Variants in CNTNAP3B observed in about 807,000 individuals in gnomAD.
The protein encoded by CNTNAP3B is contactin-associated protein-like 3B.
A neutral mutation model predicts 108.9 loss-of-function variants in CNTNAP3B; 25 were observed. That is an observed-to-expected ratio of 0.23 (90% CI 0.17 to 0.32). CNTNAP3B has a LOEUF of 0.32. Among genes scored for constraint, CNTNAP3B ranks in the 10% least tolerant of loss-of-function variants. The pLI, the probability that CNTNAP3B is intolerant of heterozygous loss-of-function variation, is 1.00. For missense variants in CNTNAP3B, 252 were observed against 1,210.4 expected (o/e 0.21, Z 11.75); for synonymous variants, 103 against 473.4 (o/e 0.22, Z 10.16).
At chr9:41,950,532 C>T (rs79143271) in intron 13 of CNTNAP3B, among the ~76,000 whole-genome samples, 3,936 of 102,854 alleles carry the variant, frequency 0.038, 62 homozygotes, top group East Asian at 0.13. Context: ...TCCATGCCAC[C>T]GATTGCTAAT....
rs1361955535 is a variant in CNTNAP3B, at chr9:42,105,604, C to T, written c.86-865G>A. On this transcript the variant is annotated intron_variant, in intron 1 of 23. Transcript: ENST00000377561. ...AGAGCCTTCTTGCCCCTGGTGTTCC[C>T]CACCATCAAACTTGAGGAGCCCCTG... 1.2e-4 allele frequency among the ~76,000 whole-genome samples: 5 copies of T among 41,216 alleles called. 2 individuals are homozygous for T. The highest frequency in any genetic ancestry group is 3.1e-4 in the Non-Finnish European group (5 of 16,348). 27.0% of individuals were successfully genotyped at this position (41,216 alleles called of 152,430 possible).
intron 1 of CNTNAP3B, among the ~76,000 whole-genome samples, chr9:42,122,121 A>G (rs1383349760): frequency 7.2e-6 from 1 of 139,592 alleles, no homozygotes. Flanking sequence ...GCCCTTTGGC[A>G]ACACTGCTGA....
chr9:42,074,214 AT>A (rs1225837364), intron 3 of CNTNAP3B, among the ~76,000 whole-genome samples: 5 of 77,128 alleles, frequency 6.5e-5, no homozygotes, highest in African/African-American at 2.9e-4. Flanking sequence ...CTACATAGGT[AT>A]TTTATAATCC....
chr9:42,028,864 A>G (rs1247986007), intron 3 of CNTNAP3B, among the ~76,000 whole-genome samples: 2 of 151,808 alleles, frequency 1.3e-5, no homozygotes, highest in African/African-American at 2.4e-5. Flanking sequence ...TTGAAATCAA[A>G]TGGCTAACCT....
intron 1 of CNTNAP3B, among the ~76,000 whole-genome samples, chr9:42,115,529 T>C (rs1395578994): frequency 7.2e-6 from 1 of 138,610 alleles, no homozygotes; most frequent in Non-Finnish European, 1.5e-5. Flanking sequence ...AGAGGAAGGA[T>C]CAGACAGCAA....
intron 18 of CNTNAP3B, among the ~76,000 whole-genome samples, chr9:41,919,788 G>C (rs1370241891): frequency 1.3e-5 from 2 of 152,310 alleles, no homozygotes; most frequent in African/African-American, 4.8e-5. Context: ...TACAAGGACA[G>C]AGTTTTGAAA....
intron 10 of CNTNAP3B, among the ~76,000 whole-genome samples, chr9:41,966,317 G>C (rs1363536685): frequency 3.3e-5 from 5 of 152,304 alleles, no homozygotes; most frequent in African/African-American, 4.8e-5. Context: ...AATAATTTTA[G>C]TTCAAAATAT....
At chr9:41,920,617 T>TAG (rs1823641486) in intron 17 of CNTNAP3B, among the ~76,000 whole-genome samples, 1 of 152,302 alleles carries the variant, frequency 6.6e-6, no homozygotes, top group Non-Finnish European at 1.5e-5. Context: ...ACAAAATACA[T>TAG]AATATAAACC....
rs530439563 is a variant in CNTNAP3B, at chr9:42,117,295, C to T, written c.85+11715G>A. 3.4e-4 allele frequency among the ~76,000 whole-genome samples: 45 copies of T among 133,118 alleles called. 3 individuals carry two copies. Among genetic ancestry groups the T allele is most frequent in the African/African-American group, 1.2e-3 (38 of 32,678 alleles). The allele number at this position is 133,118 out of a possible 152,430, so 87.3% of individuals were successfully genotyped here. A position where few individuals can be genotyped will look rare whatever the true frequency, so the allele number is the denominator to read the frequency against. On this transcript the variant is annotated intron_variant, in intron 1 of 23. Coordinates refer to ENST00000377561, the MANE Select transcript of CNTNAP3B (RefSeq NM_001201380.3). ...TGGAAGTAAAGCACTCCTCGGCAAACGTAAAAGAACAGAAATTATAACAAA... is the reference window on the plus strand; with the variant it reads ...TGGAAGTAAAGCACTCCTCGGCAAATGTAAAAGAACAGAAATTATAACAAA...
intron 14 of CNTNAP3B, among the ~76,000 whole-genome samples, chr9:41,935,530 T>C (rs1329811306): frequency 6.6e-6 from 1 of 152,292 alleles, no homozygotes; most frequent in Non-Finnish European, 1.5e-5. Context: ...AATCTTTTCA[T>C]TTCATGAGAC....
rs1330559161 is a variant in CNTNAP3B, at chr9:41,954,384, A to T, written c.1877-998T>A. Among the ~76,000 whole-genome samples the T allele has an allele frequency of 4.6e-5, 7 of 152,386 alleles. No homozygotes were observed. In the East Asian group the frequency reaches 1.2e-3, roughly 25 times the overall value. ...TGCGTAAGACAAATTTCACAGCCTT[A>T]CTGTTACTTACACACGCCTAACAAC... On this transcript the variant is annotated intron_variant, in intron 12 of 23. Coordinates refer to ENST00000377561, the MANE Select transcript of CNTNAP3B (RefSeq NM_001201380.3).
At position 41,996,335 on chromosome 9, in the gene CNTNAP3B, C is replaced by T. The variant is rs749486550; in HGVS notation, c.941G>A (p.Gly314Glu). The T allele has an allele frequency of 3.9e-6, 6 of 1,534,734 alleles. No homozygotes were observed. Among genetic ancestry groups the T allele is most frequent in the Admixed American group, 1.8e-5 (1 of 55,026 alleles). ...CCGTGATCTTCCGGGTGACAGAATT[C>T]CCCCAAAGCTGATCTTAGAAAGAAA... ...LDLNFEISFG[G>E]ILSPGRSRAF... The change falls in exon 7 of 24, where the codon GGA (glycine) becomes GAA (glutamate). Residue 314 changes from glycine to glutamate, a missense_variant. Coordinates refer to ENST00000377561, the MANE Select transcript of CNTNAP3B (RefSeq NM_001201380.3).
At chr9:41,943,716 G>T (rs1219997931) in intron 13 of CNTNAP3B, among the ~76,000 whole-genome samples, 1 of 150,614 alleles carries the variant, frequency 6.6e-6, no homozygotes, top group East Asian at 1.9e-4. Context: ...AGAAGTAGAA[G>T]GAAGAGAGTG....
rs1280496321 is a variant in CNTNAP3B at position 42,120,921 on chromosome 9, T to C, written c.85+8089A>G. ...CACCAACATGGCACATGTATACATA[T>C]GCAACAAACCTGCACGTTGTGCACA... On this transcript the variant is annotated intron_variant, in intron 1 of 23. Coordinates refer to ENST00000377561, the MANE Select transcript of CNTNAP3B (RefSeq NM_001201380.3). 2.2e-5 allele frequency among the ~76,000 whole-genome samples: 3 copies of C among 137,630 alleles called. 1 individual carries two copies. Among genetic ancestry groups the C allele is most frequent in the Non-Finnish European group, 4.6e-5 (3 of 64,540 alleles). 90.3% of individuals were successfully genotyped at this position (137,630 alleles called of 152,430 possible).
intron 18 of CNTNAP3B, among the ~76,000 whole-genome samples, chr9:41,919,579 A>G (rs1823612994): frequency 6.6e-6 from 1 of 152,312 alleles, no homozygotes; most frequent in African/African-American, 2.4e-5. Flanking sequence ...TGCTTGTTTT[A>G]TAAGAAAAGA....
At chr9:41,919,532 T>C (rs1279662410) in intron 18 of CNTNAP3B, among the ~76,000 whole-genome samples, 1 of 152,310 alleles carries the variant, frequency 6.6e-6, no homozygotes, top group African/African-American at 2.4e-5. Flanking sequence ...TTAATGACTG[T>C]CAATATTTAA....
rs199896382 is a variant in CNTNAP3B, at chr9:41,964,567, G to A, written c.1727C>T (p.Thr576Ile). Reference sequence around the variant, plus strand: ...ATGGCAGGTCTCGCCCGTATAGCCTGTGCCTAGACAGTCACAGGAGAAGGT... The same window carrying A: ...ATGGCAGGTCTCGCCCGTATAGCCTATGCCTAGACAGTCACAGGAGAAGGT... ...WDTFSCDCLG[T>I]GYTGETCHSS... Residue 576 changes from threonine to isoleucine, a missense_variant, in exon 11 of 24, where the codon ACA becomes ATA. Coordinates refer to ENST00000377561, the MANE Select transcript of CNTNAP3B (RefSeq NM_001201380.3). The A allele has an allele frequency of 3.6e-3, 5,575 of 1,550,482 alleles. 6 individuals carry two copies. Among genetic ancestry groups the A allele is most frequent in the Non-Finnish European group, 4.5e-3 (5,202 of 1,147,742 alleles).
chr9:42,129,142 T>G lies in CNTNAP3B; in HGVS notation c.-48A>C, dbSNP rs1459581281. 4 of 1,522,856 alleles carry G rather than the reference T, an allele frequency of 2.6e-6. No individual in the cohort carries two copies. In the Admixed American group the frequency reaches 7.3e-5, roughly 28 times the overall value. 94.3% of individuals were successfully genotyped at this position (1,522,856 alleles called of 1,614,324 possible). On this transcript the variant is annotated 5_prime_UTR_variant, in exon 1 of 24. Coordinates refer to ENST00000377561, the MANE Select transcript of CNTNAP3B (RefSeq NM_001201380.3). The stretch of plus-strand genomic sequence containing the variant: ...GAGACCCGGGCACGGCGACGGCCGC[T>G]CTGCGTCGTTCCTGCTCTCACTCCC...
In CNTNAP3B at chr9:42,086,200, C is replaced by A. The variant is rs1231080892; in HGVS notation, c.197-9138G>T. Among the ~76,000 whole-genome samples, 17 of 142,852 alleles carry A rather than the reference C, an allele frequency of 1.2e-4. 1 individual carries two copies. Among genetic ancestry groups the A allele is most frequent in the African/African-American group, 3.5e-4 (13 of 36,646 alleles). The allele number at this position is 142,852 out of a possible 152,430, so 93.7% of individuals were successfully genotyped here. ...GGGTCCCCCTTATAAAACCATCAGA[C>A]CTTGTGAGATTGATTCTCAACTACG... On this transcript the variant is annotated intron_variant, in intron 2 of 23. Transcript: ENST00000377561.
Sources: gnomAD v4.1 joint callset for allele counts (sites outside exome capture counted in the v4.1 genomes callset) on GRCh38, gnomAD v4.1.1 for gene constraint, MANE v1.5 for transcripts, NCBI Gene and HGNC (gene_info 2026-07-23, HGNC 2026-07-21) for gene names.